Variants in RBM19 observed in about 807,000 individuals in gnomAD.
RBM19 encodes probable RNA-binding protein 19.
A neutral mutation model predicts 116.8 loss-of-function variants in RBM19; 94 were observed. The observed-to-expected ratio is 0.80, with a 90% CI of 0.68 to 0.95. The LOEUF (loss-of-function observed/expected upper bound fraction) is 0.95. Among genes scored for constraint, RBM19 ranks in the 40% least tolerant of loss-of-function variants. The pLI is 0.00. For synonymous variants in RBM19, 475 were observed against 494.1 expected, an observed-to-expected ratio of 0.96 and a Z score of 0.51; for missense variants, 1,161 against 1,220.7, an observed-to-expected ratio of 0.95 and a Z score of 0.73.
intron 21 of RBM19, among the ~76,000 whole-genome samples, chr12:113,870,646 C>T (rs1214325716): frequency 6.6e-6 from 1 of 151,700 alleles, no homozygotes; most frequent in Non-Finnish European, 1.5e-5. Context: ...ACTGAGGTTG[C>T]AGGGTTTTGC....
chr12:113,870,530 C>G (rs1225527996), intron 21 of RBM19, among the ~76,000 whole-genome samples: 1 of 152,148 alleles, frequency 6.6e-6, no homozygotes, highest in Non-Finnish European at 1.5e-5. Flanking sequence ...CTTCCAAAGA[C>G]CTGGATCCTC....
intron 23 of RBM19, among the ~76,000 whole-genome samples, chr12:113,840,463 A>G (rs1044196707): frequency 6.6e-6 from 1 of 152,222 alleles, no homozygotes; most frequent in Non-Finnish European, 1.5e-5. Context: ...CTCTGGCAAC[A>G]TGCCCTGACA....
intron 1 of RBM19, among the ~76,000 whole-genome samples, chr12:113,964,581 G>A (rs1211916512): frequency 6.6e-6 from 1 of 152,178 alleles, no homozygotes; most frequent in African/African-American, 2.4e-5. Flanking sequence ...CCTGATGGAT[G>A]GATGAGTAAT....
At chr12:113,843,879 C>T (rs1390814758) in intron 23 of RBM19, among the ~76,000 whole-genome samples, 1 of 152,234 alleles carries the variant, frequency 6.6e-6, no homozygotes, top group South Asian at 2.1e-4. Flanking sequence ...TGCTGTCCTC[C>T]CTGTTTCTCA....
chr12:113,841,425 T>TTC (rs1303965869), intron 23 of RBM19, among the ~76,000 whole-genome samples: 5 of 145,816 alleles, frequency 3.4e-5, no homozygotes, highest in East Asian at 2.0e-4. Context: ...TTCTTTTCTT[T>TTC]TTTTTTTTTT....
intron 23 of RBM19, 46 bp downstream of exon 23, chr12:113,844,621 TC>T: frequency 1.3e-6 from 2 of 1,571,018 alleles, no homozygotes. Flanking sequence ...CCTCTTGTGT[TC>T]CCCAGGGGGC....
chr12:113,880,462 A>AAG (rs1880028099), intron 21 of RBM19, among the ~76,000 whole-genome samples: 1 of 152,220 alleles, frequency 6.6e-6, no homozygotes, highest in Non-Finnish European at 1.5e-5. Flanking sequence ...CAGGTACGAC[A>AAG]GCTCTTGTTC....
intron 5 of RBM19, 31 bp downstream of exon 5, chr12:113,959,181 C>G (rs752262257): frequency 6.3e-7 from 1 of 1,587,694 alleles, no homozygotes. Flanking sequence ...CAGGTCCGTG[C>G]GCATGGAGCA....
At chr12:113,946,260 C>T in intron 12 of RBM19, 94 bp downstream of exon 12, 1 of 1,555,424 alleles carries the variant, frequency 6.4e-7, no homozygotes, top group Non-Finnish European at 8.8e-7. Flanking sequence ...CTAAACCCAT[C>T]AGGAGTCAGA....
rs188530199 is a variant in RBM19, at chr12:113,926,843, C to A, written c.2244+211G>T. On this transcript the variant is annotated intron_variant, in intron 17 of 23. Coordinates refer to ENST00000261741, the MANE Select transcript of RBM19 (RefSeq NM_016196.4). ...GCGTATGTGGTAGCCCCTATCAGGG[C>A]CCCCGGCCAGCCTTGCTACTGCTCT... Among the ~76,000 whole-genome samples the A allele has an allele frequency of 1.5e-3, 230 of 152,346 alleles. 5 individuals are homozygous for A. The East Asian group carries it at 0.031, about 21-fold the overall frequency.
intron 20 of RBM19, 86 bp downstream of exon 20, chr12:113,918,306 G>GT: frequency 7.7e-7 from 1 of 1,294,530 alleles, no homozygotes; most frequent in Non-Finnish European, 1.1e-6. Flanking sequence ...ACATTGAAGG[G>GT]TTGTGAGACA....
At chr12:113,959,485 T>C in intron 4 of RBM19, 81 bp from the exon 5 acceptor site, 1 of 1,403,346 alleles carries the variant, frequency 7.1e-7, no homozygotes, top group Non-Finnish European at 9.8e-7. Context: ...TGGGGCTTGA[T>C]CTTTCTAACT....
rs765677271 is a variant in RBM19, at chr12:113,927,222, A to G, written c.2076T>C (p.Asp692=). The change falls in exon 17 of 24, where the codon GAT becomes GAC. Residue 692 remains aspartate, a synonymous_variant. Coordinates refer to ENST00000261741, the MANE Select transcript of RBM19 (RefSeq NM_016196.4). ...KDPAEPETVP[D]GETPEDENPT... is the part of the protein sequence containing the mutation. ...GATTTTCATCTTCTGGGGTTTCGCC[A>G]TCAGGCACTGAACCCCCATCAAAAC... 14 of 1,557,684 alleles carry G rather than the reference A, an allele frequency of 9.0e-6. No homozygotes were observed. Among genetic ancestry groups the G allele is most frequent in the Middle Eastern group, 1.7e-4 (1 of 5,990 alleles).
rs1006707141 is a variant in RBM19 at position 113,948,691 on chromosome 12, T to C, written c.1276+142A>G. 8.9e-6 allele frequency: 7 copies of C among 787,480 alleles called. No individual in the cohort carries two copies. The African/African-American group carries it at 1.1e-4, about 12-fold the overall frequency. 48.8% of individuals were successfully genotyped at this position (787,480 alleles called of 1,614,324 possible). On this transcript the variant is annotated intron_variant, in intron 10 of 23. Coordinates refer to ENST00000261741, the MANE Select transcript of RBM19 (RefSeq NM_016196.4). ...AATCCTCACAGCAGCTCAGGGGTAC[T>C]TGGTCCCATTTTACAGATGAGAAAA...
At chr12:113,893,066 C>G (rs1434470227) in intron 21 of RBM19, among the ~76,000 whole-genome samples, 2 of 147,924 alleles carry the variant, frequency 1.4e-5, no homozygotes, top group Non-Finnish European at 3.0e-5. Flanking sequence ...GGGTCTTGCT[C>G]TGTCACACAG....
At chr12:113,918,342 A>G in intron 20 of RBM19, 50 bp downstream of exon 20, 1 of 1,600,368 alleles carries the variant, frequency 6.2e-7, no homozygotes, top group Non-Finnish European at 8.6e-7. Context: ...GGCACCAAGC[A>G]CAGGAAGCCC....
intron 8 of RBM19, among the ~76,000 whole-genome samples, chr12:113,951,947 TG>T (rs1193173896): frequency 1.6e-4 from 24 of 152,232 alleles, no homozygotes; most frequent in African/African-American, 5.8e-4. Flanking sequence ...GCAAGTCAGC[TG>T]CTGAATCTCC....
At chr12:113,899,395 G>C (rs888290595) in intron 21 of RBM19, among the ~76,000 whole-genome samples, 1 of 152,202 alleles carries the variant, frequency 6.6e-6, no homozygotes, top group South Asian at 2.1e-4. Flanking sequence ...CACTGACCTT[G>C]TATCTTACAG....
chr12:113,851,565 A>G (rs907452504), intron 22 of RBM19, among the ~76,000 whole-genome samples: 2 of 152,142 alleles, frequency 1.3e-5, no homozygotes, highest in South Asian at 4.1e-4. Flanking sequence ...GCTGCTTTCA[A>G]TAAACTTCTC....
Sources: allele counts gnomAD v4.1 joint callset (sites outside exome capture counted in the v4.1 genomes callset), GRCh38; gene constraint gnomAD v4.1.1; transcripts MANE v1.5; gene names NCBI Gene and HGNC (gene_info 2026-07-23, HGNC 2026-07-21).